The following CMIP variants were observed in gnomAD, a reference collection of about 807,000 sequenced individuals.
CMIP encodes the protein C-Maf-inducing protein.
CMIP carries 13 observed loss-of-function variants against 97.3 expected under a neutral mutation model. The ratio of observed to expected loss-of-function variants is 0.13; its 90% confidence interval spans 0.09 to 0.21. The LOEUF is 0.21. CMIP is among the 10% of genes least tolerant of loss of function. The pLI is 1.00. For missense variants in CMIP, 847 were observed against 1,024.9 expected, an observed-to-expected ratio of 0.83 and a Z score of 2.37; for synonymous variants, 538 against 436.3, an observed-to-expected ratio of 1.23 and a Z score of -2.91.
intron 10 of CMIP, among the ~76,000 whole-genome samples, chr16:81,685,667 C>G (rs922633053): frequency 6.6e-6 from 1 of 151,926 alleles, no homozygotes; most frequent in Non-Finnish European, 1.5e-5. Context: ...ACCTCAGACT[C>G]CCAAGTAGCT....
In CMIP at chr16:81,672,047, C is replaced by A; in HGVS notation, c.1011C>A (p.Ser337=). Residue 337 remains serine (S), a synonymous_variant, in exon 9 of 21, where the codon TCC becomes TCA. Transcript: ENST00000537098. The part of the protein sequence containing the change: ...LVAVCLAAIY[S]CYEEFINSRD... ...CCGTGTGCCTGGCTGCCATCTACTC[C>A]TGCTATGAAGAGTTCATCAACAGGT... 6.2e-7 allele frequency: 1 copy of A among 1,602,910 alleles called. No individual in the cohort carries two copies. Among genetic ancestry groups the A allele is most frequent in the East Asian group, 2.2e-5 (1 of 44,534 alleles).
rs1175249769 is a variant in CMIP at position 81,669,074 on chromosome 16, A to T, written c.826-1068A>T. Among the ~76,000 whole-genome samples the T allele has an allele frequency of 9.3e-5, 9 of 96,496 alleles. No homozygotes were observed. In the East Asian group the frequency reaches 2.8e-3, roughly 30 times the overall value. 63.3% of individuals were successfully genotyped at this position (96,496 alleles called of 152,430 possible). Reference sequence around the variant, plus strand: ...CCTTCCACACCCACCTCTCACACTCACCTCCTTCCACATCCACCTCACACC... The same window carrying T: ...CCTTCCACACCCACCTCTCACACTCTCCTCCTTCCACATCCACCTCACACC... On this transcript the variant is annotated intron_variant, in intron 7 of 20. Coordinates refer to ENST00000537098, the MANE Select transcript of CMIP (RefSeq NM_198390.3).
At chr16:81,523,146 C>G (rs550518056) in intron 1 of CMIP, among the ~76,000 whole-genome samples, 190 of 152,280 alleles carry the variant, frequency 1.2e-3, no homozygotes, top group Middle Eastern at 0.01. Context: ...CCTCGAATTC[C>G]TGGGCTCAAG....
chr16:81,489,257 T>G (rs2089368379), intron 1 of CMIP, among the ~76,000 whole-genome samples: 1 of 152,156 alleles, frequency 6.6e-6, no homozygotes, highest in East Asian at 1.9e-4. Context: ...GAGGGAGGGC[T>G]TTCTGGAGGA....
At chr16:81,491,009 G>T (rs567295336) in intron 1 of CMIP, among the ~76,000 whole-genome samples, 1 of 152,230 alleles carries the variant, frequency 6.6e-6, no homozygotes, top group African/African-American at 2.4e-5. Context: ...TGGAGGGGTC[G>T]AGATTTGAAC....
chr16:81,705,088 G>C (rs1907980053), intron 18 of CMIP, among the ~76,000 whole-genome samples: 1 of 152,070 alleles, frequency 6.6e-6, no homozygotes, highest in Non-Finnish European at 1.5e-5. Context: ...TGAAGTGCAG[G>C]TTCTACCCTC....
chr16:81,637,492 C>T lies in CMIP; in HGVS notation c.478-14711C>T, dbSNP rs527500162. Among the ~76,000 whole-genome samples, 10 of 152,322 alleles carry T rather than the reference C, an allele frequency of 6.6e-5. No homozygotes were observed. In the East Asian group the frequency reaches 7.7e-4, roughly 12 times the overall value. On this transcript the variant is annotated intron_variant, in intron 3 of 20. Transcript: ENST00000537098. ...TAATTCTCCCAATAGCTCCAGGATGCAAATGCTACTATTATCCCCATTTTA... is the reference window on the plus strand; with the variant it reads ...TAATTCTCCCAATAGCTCCAGGATGTAAATGCTACTATTATCCCCATTTTA...
chr16:81,488,997 T>C (rs1039738603), intron 1 of CMIP, among the ~76,000 whole-genome samples: 1 of 151,996 alleles, frequency 6.6e-6, no homozygotes, highest in Non-Finnish European at 1.5e-5. Flanking sequence ...ATTCAGTCTC[T>C]TCCCATTCTT....
intron 1 of CMIP, among the ~76,000 whole-genome samples, chr16:81,492,831 T>G (rs374010296): frequency 3.6e-4 from 33 of 91,346 alleles, no homozygotes; most frequent in South Asian, 6.8e-4. Flanking sequence ...CGGGGAGAAA[T>G]GGGGAGTAAA....
At chr16:81,447,955 G>A (rs576465326) in intron 1 of CMIP, among the ~76,000 whole-genome samples, 1 of 152,364 alleles carries the variant, frequency 6.6e-6, no homozygotes, top group Admixed American at 6.5e-5. Flanking sequence ...CCCCTGTGGG[G>A]TTTCCCTGAG....
At chr16:81,618,101 C>A (rs2091944967) in intron 2 of CMIP, among the ~76,000 whole-genome samples, 1 of 152,190 alleles carries the variant, frequency 6.6e-6, no homozygotes, top group Non-Finnish European at 1.5e-5. Flanking sequence ...GCTTTTATTT[C>A]CTATTGCTGC....
chr16:81,654,716 C>T (rs1419756296), intron 4 of CMIP, among the ~76,000 whole-genome samples: 1 of 152,150 alleles, frequency 6.6e-6, no homozygotes, highest in Non-Finnish European at 1.5e-5. Flanking sequence ...GAGGAGTAAC[C>T]AGGGGTGCTG....
intron 1 of CMIP, among the ~76,000 whole-genome samples, chr16:81,480,103 C>T (rs569726866): frequency 2.2e-4 from 34 of 152,248 alleles, no homozygotes; most frequent in African/African-American, 7.9e-4. Context: ...CTTTTCCGAG[C>T]GATTCTAACA....
intron 1 of CMIP, among the ~76,000 whole-genome samples, chr16:81,515,603 G>A (rs1440118682): frequency 6.6e-6 from 1 of 152,202 alleles, no homozygotes; most frequent in East Asian, 1.9e-4. Flanking sequence ...CAGGGCTGGA[G>A]GGGCTCTCAA....
intron 1 of CMIP, among the ~76,000 whole-genome samples, chr16:81,500,272 G>GTCCGTCCTTCCTTCCTTCCTTCCT (rs1567546095): frequency 4.9e-4 from 32 of 64,830 alleles, no homozygotes; most frequent in African/African-American, 1.4e-3. Context: ...CCTTCCTTCC[G>GTCCGTCCTTCCTTCCTTCCTTCCT]TCCTTCCTTC....
At chr16:81,597,171 G>A (rs1331138085) in intron 1 of CMIP, among the ~76,000 whole-genome samples, 1 of 152,178 alleles carries the variant, frequency 6.6e-6, no homozygotes, top group Non-Finnish European at 1.5e-5. Flanking sequence ...GGATTGCTGG[G>A]TTCTAGGGGA....
intron 1 of CMIP, among the ~76,000 whole-genome samples, chr16:81,447,616 A>T (rs1905941083): frequency 6.6e-6 from 1 of 152,190 alleles, no homozygotes; most frequent in Admixed American, 6.5e-5. Flanking sequence ...ATGGAGCAAG[A>T]TTCTCTTGGC....
chr16:81,450,043 C>T (rs182111845), intron 1 of CMIP, among the ~76,000 whole-genome samples: 1 of 152,320 alleles, frequency 6.6e-6, no homozygotes, highest in African/African-American at 2.4e-5. Context: ...CACAGATTGA[C>T]TGATGTGGCG....
intron 2 of CMIP, chr16:81,610,230 G>A (rs1304813244): frequency 6.6e-6 from 5 of 756,744 alleles, no homozygotes; most frequent in African/African-American, 1.9e-5. Flanking sequence ...CCTTTAACCC[G>A]GCTGTGGCCG....
Sources: gnomAD v4.1 joint callset for allele counts (sites outside exome capture counted in the v4.1 genomes callset) on GRCh38, gnomAD v4.1.1 for gene constraint, MANE v1.5 for transcripts, NCBI Gene and HGNC (gene_info 2026-07-23, HGNC 2026-07-21) for gene names.